The following NCKAP5 variants were observed in gnomAD, a reference collection of about 807,000 sequenced individuals.
NCKAP5 encodes the protein NCK associated protein 5, also known as nck-associated protein 5.
NCKAP5 carries 92 observed loss-of-function variants against 167.0 expected under a neutral mutation model. That is an observed-to-expected ratio of 0.55 (90% CI 0.47 to 0.66). The LOEUF is 0.66. Among genes scored for constraint, NCKAP5 ranks in the 30% least tolerant of loss-of-function variants. The pLI is 0.00. For missense variants in NCKAP5, 2,378 were observed against 2,315.0 expected (o/e 1.03, Z -0.56); for synonymous variants, 891 against 877.4 (o/e 1.02, Z -0.27).
chr2:132,887,209 T>C (rs1692298638), intron 8 of NCKAP5, among the ~76,000 whole-genome samples: 1 of 152,172 alleles, frequency 6.6e-6, no homozygotes, highest in Non-Finnish European at 1.5e-5. Context: ...TATCTATTGG[T>C]AATTTTTTTT....
intron 3 of NCKAP5, among the ~76,000 whole-genome samples, chr2:133,445,169 C>T (rs1024867547): frequency 6.6e-6 from 1 of 151,654 alleles, no homozygotes; most frequent in Non-Finnish European, 1.5e-5. Flanking sequence ...AAACAGTTCT[C>T]AAATCTAGGT....
Position 132,902,637 on chromosome 2 carries a change from C to A in NCKAP5, c.580-23721G>T, listed in dbSNP as rs556785497. ...ATCTTGGCTGTAAGATAGTTTTCAG[C>A]ATAAAAGGCTTGATTGAAGAGAAAG... On this transcript the variant is annotated intron_variant, in intron 8 of 19. Transcript: ENST00000409261. Among the ~76,000 whole-genome samples the A allele has an allele frequency of 1.1e-3, 164 of 152,300 alleles. 2 individuals carry two copies. The Middle Eastern group carries it at 0.017, about 16-fold the overall frequency.
At chr2:133,666,447 C>T in the NCKAP5 span, among the ~76,000 whole-genome samples, 1 of 151,852 alleles carries the variant, frequency 6.6e-6, no homozygotes, top group Non-Finnish European at 1.5e-5. Context: ...ATCCACCCAC[C>T]TCAGCCTCCC....
intron 3 of NCKAP5, among the ~76,000 whole-genome samples, chr2:133,459,346 G>A (rs1692058699): frequency 6.6e-6 from 1 of 152,058 alleles, no homozygotes; most frequent in African/African-American, 2.4e-5. Flanking sequence ...CGCCCAAATT[G>A]AGAGGTGAGC....
intron 3 of NCKAP5, among the ~76,000 whole-genome samples, chr2:133,432,074 A>C (rs1690195980): frequency 6.6e-6 from 1 of 152,184 alleles, no homozygotes; most frequent in African/African-American, 2.4e-5. Flanking sequence ...CCTTTGCTTC[A>C]ACAGCCACAA....
intron 6 of NCKAP5, among the ~76,000 whole-genome samples, chr2:133,000,766 C>T (rs2077751016): frequency 2.0e-5 from 3 of 152,172 alleles, no homozygotes; most frequent in Middle Eastern, 3.4e-3. Context: ...TACAACTATC[C>T]TATGCATTTC....
At chr2:132,865,946 A>C (rs1050074098) in intron 10 of NCKAP5, among the ~76,000 whole-genome samples, 1 of 152,190 alleles carries the variant, frequency 6.6e-6, no homozygotes, top group Non-Finnish European at 1.5e-5. Context: ...ACCTGATACC[A>C]CACAGACCAC....
chr2:133,114,341 T>C (rs1331230764), intron 6 of NCKAP5, among the ~76,000 whole-genome samples: 1 of 152,202 alleles, frequency 6.6e-6, no homozygotes, highest in Non-Finnish European at 1.5e-5. Context: ...CATGCTTGAT[T>C]ATAACCAACT....
intron 6 of NCKAP5, among the ~76,000 whole-genome samples, chr2:133,091,521 C>T (rs894454976): frequency 6.6e-6 from 1 of 152,100 alleles, no homozygotes; most frequent in African/African-American, 2.4e-5. Flanking sequence ...TCTCTGTGGC[C>T]TGGCATGGTA....
intron 8 of NCKAP5, among the ~76,000 whole-genome samples, chr2:132,939,690 G>GTA: frequency 6.6e-6 from 1 of 152,200 alleles, no homozygotes; most frequent in Non-Finnish European, 1.5e-5. Flanking sequence ...CCCAAGCAGT[G>GTA]TACATTGTAC....
At position 132,887,217 on chromosome 2, in the gene NCKAP5, T is replaced by G. The variant is rs1692299869; in HGVS notation, c.580-8301A>C. On this transcript the variant is annotated intron_variant, in intron 8 of 19. Coordinates refer to ENST00000409261, the MANE Select transcript of NCKAP5 (RefSeq NM_207363.3). ...CTCTTAGTATCTATTGGTAATTTTT[T>G]TTTGACTAAAACAATTATGACTGTG... Among the ~76,000 whole-genome samples, 3 of 152,332 alleles carry G rather than the reference T, an allele frequency of 2.0e-5. No homozygotes were observed. The South Asian group carries it at 6.2e-4, about 32-fold the overall frequency.
At chr2:132,724,959 T>C (rs1690304338) in intron 19 of NCKAP5, among the ~76,000 whole-genome samples, 1 of 152,176 alleles carries the variant, frequency 6.6e-6, no homozygotes, top group Non-Finnish European at 1.5e-5. Flanking sequence ...TAGAAAAAAG[T>C]TGATTAGTAG....
At chr2:132,873,130 G>GTC (rs1043799701) in intron 9 of NCKAP5, among the ~76,000 whole-genome samples, 17 of 152,158 alleles carry the variant, frequency 1.1e-4, no homozygotes, top group African/African-American at 4.1e-4. Context: ...TTGAGACAGA[G>GTC]TCTCACTTTG....
rs118080974 is a variant in NCKAP5, at chr2:133,519,906, G to A, written c.-61-2319C>T. ...AGCAGGTGGTGCCAAAGTGCCAAGCGGCCGGGCACGGTGGCTCACACCTGT... is the reference window on the plus strand; with the variant it reads ...AGCAGGTGGTGCCAAAGTGCCAAGCAGCCGGGCACGGTGGCTCACACCTGT... On this transcript the variant is annotated intron_variant, in intron 2 of 19. Coordinates refer to ENST00000409261, the MANE Select transcript of NCKAP5 (RefSeq NM_207363.3). Among the ~76,000 whole-genome samples, 53 of 152,250 alleles carry A rather than the reference G, an allele frequency of 3.5e-4. No individual in the cohort carries two copies. The East Asian group carries it at 8.1e-3, about 23-fold the overall frequency.
chr2:133,355,856 T>C lies in NCKAP5; in HGVS notation c.70-52746A>G, dbSNP rs77633049. ...ATTTTTTTAACCTATCATCTCTGAA[T>C]TTGATCTTTGAGCAAAAGTACCCTC... On this transcript the variant is annotated intron_variant, in intron 3 of 19. Coordinates refer to ENST00000409261, the MANE Select transcript of NCKAP5 (RefSeq NM_207363.3). 4.5e-3 allele frequency among the ~76,000 whole-genome samples: 683 copies of C among 152,286 alleles called. 6 individuals are homozygous for C. Among genetic ancestry groups the C allele is most frequent in the African/African-American group, 0.016 (645 of 41,566 alleles).
chr2:133,303,305 AC>A (rs1411958538), intron 3 of NCKAP5, among the ~76,000 whole-genome samples, 195 bp from the exon 4 acceptor site: 6 of 152,220 alleles, frequency 3.9e-5, no homozygotes, highest in African/African-American at 1.4e-4. Flanking sequence ...AGTTTTGTAA[AC>A]AAATCACAGA....
chr2:132,853,730 C>T (rs983348051), intron 11 of NCKAP5, among the ~76,000 whole-genome samples: 5 of 152,086 alleles, frequency 3.3e-5, no homozygotes, highest in Non-Finnish European at 7.4e-5. Flanking sequence ...CTACAGCTTA[C>T]GGAGCCAACA....
intron 6 of NCKAP5, among the ~76,000 whole-genome samples, chr2:133,104,225 G>C (rs77434138): frequency 0.028 from 4,303 of 152,162 alleles, 186 homozygotes; most frequent in African/African-American, 0.095. Flanking sequence ...GTTGGACACA[G>C]AGCACAGCGT....
intron 4 of NCKAP5, among the ~76,000 whole-genome samples, chr2:133,287,979 T>C (rs1178226361): frequency 6.6e-6 from 1 of 152,226 alleles, no homozygotes; most frequent in African/African-American, 2.4e-5. Context: ...CCAAACATGC[T>C]TGGTTTTACA....
Sources: gnomAD v4.1 joint callset for allele counts (sites outside exome capture counted in the v4.1 genomes callset) on GRCh38, gnomAD v4.1.1 for gene constraint, MANE v1.5 for transcripts, NCBI Gene and HGNC (gene_info 2026-07-23, HGNC 2026-07-21) for gene names.